Variants in PARN observed in about 807,000 individuals in gnomAD.
PARN encodes poly(A)-specific ribonuclease PARN.
PARN carries 71 observed loss-of-function variants against 102.8 expected under a neutral mutation model. That is an observed-to-expected ratio of 0.69 (90% CI 0.57 to 0.84). The LOEUF is 0.84. Ranked by LOEUF, PARN falls within the 40% of genes least tolerant of loss-of-function variation. The pLI, the probability that PARN is intolerant of heterozygous loss-of-function variation, is 0.00. For missense variants in PARN, 782 were observed against 760.9 expected (o/e 1.03, Z -0.33); for synonymous variants, 261 against 252.9 (o/e 1.03, Z -0.30).
At chr16:14,552,532 A>C (rs1344472391) in intron 20 of PARN, among the ~76,000 whole-genome samples, 1 of 152,142 alleles carries the variant, frequency 6.6e-6, no homozygotes, top group Non-Finnish European at 1.5e-5. Context: ...GCTGGAGTGC[A>C]GTGGCACAAT....
chr16:14,510,769 C>A (rs1287208219), intron 21 of PARN, among the ~76,000 whole-genome samples: 2 of 152,202 alleles, frequency 1.3e-5, no homozygotes, highest in Non-Finnish European at 1.5e-5. Context: ...CCACCCCCAT[C>A]TATGTGACAT....
intron 22 of PARN, among the ~76,000 whole-genome samples, chr16:14,464,535 C>G (rs948480019): frequency 6.6e-6 from 1 of 152,078 alleles, no homozygotes; most frequent in Non-Finnish European, 1.5e-5. Flanking sequence ...GCAGGCAGAT[C>G]ACCTGAGGTA....
At chr16:14,509,281 A>G (rs911310429) in intron 21 of PARN, among the ~76,000 whole-genome samples, 4 of 152,136 alleles carry the variant, frequency 2.6e-5, no homozygotes, top group African/African-American at 9.7e-5. Flanking sequence ...CTACCCACCC[A>G]TAGATAATCT....
chr16:14,580,425 T>C (rs1969456519), intron 18 of PARN, among the ~76,000 whole-genome samples: 1 of 152,094 alleles, frequency 6.6e-6, no homozygotes, highest in Admixed American at 6.6e-5. Context: ...GTAGCTGGGA[T>C]TACAGGCACA....
chr16:14,517,189 G>A (rs538393472), intron 21 of PARN, among the ~76,000 whole-genome samples: 2 of 152,320 alleles, frequency 1.3e-5, no homozygotes, highest in East Asian at 1.9e-4. Flanking sequence ...GCCATCAAGA[G>A]GTGCGGTGTA....
chr16:14,553,256 T>TAAAAAAAAAA (rs58411352), intron 20 of PARN, among the ~76,000 whole-genome samples: 2 of 117,444 alleles, frequency 1.7e-5, no homozygotes, highest in East Asian at 2.4e-4. Context: ...TATTTCTATT[T>TAAAAAAAAAA]AAAAAAAAAA....
intron 18 of PARN, among the ~76,000 whole-genome samples, chr16:14,576,969 C>T (rs1596723680): frequency 6.6e-6 from 1 of 152,314 alleles, no homozygotes; most frequent in East Asian, 1.9e-4. Context: ...CTTGATAAAG[C>T]TTCCCAAAAT....
intron 21 of PARN, among the ~76,000 whole-genome samples, chr16:14,521,323 C>T (rs1455186831): frequency 6.6e-6 from 1 of 152,176 alleles, no homozygotes; most frequent in Admixed American, 6.5e-5. Flanking sequence ...ACCAGGGTTG[C>T]CAAAAAGTTC....
chr16:14,503,366 A>T (rs1964722151), intron 21 of PARN, among the ~76,000 whole-genome samples: 1 of 152,250 alleles, frequency 6.6e-6, no homozygotes, highest in African/African-American at 2.4e-5. Context: ...GCTGACTCAT[A>T]TGAGAAAAGC....
At chr16:14,586,404 C>T (rs1242343094) in intron 13 of PARN, 43 bp from the exon 14 acceptor site, 2 of 1,181,064 alleles carry the variant, frequency 1.7e-6, no homozygotes, top group Non-Finnish European at 1.2e-6. Context: ...TCCTAATACA[C>T]TCGCAGTATT....
chr16:14,611,833 G>A (rs1260937043), intron 6 of PARN, among the ~76,000 whole-genome samples: 4 of 151,992 alleles, frequency 2.6e-5, no homozygotes, highest in African/African-American at 9.7e-5. Flanking sequence ...CGGCCACCGC[G>A]CACGGCCAGC....
In PARN at chr16:14,486,567, C is replaced by T. The variant is rs374215107; in HGVS notation, c.1481-3740G>A. 1.2e-4 allele frequency among the ~76,000 whole-genome samples: 19 copies of T among 152,280 alleles called. No individual in the cohort carries two copies. The East Asian group carries it at 1.4e-3, about 11-fold the overall frequency. ...GTTACAAACAACTCCCTAACCATGG[C>T]GAGGGGATTTATCTGAGCACATTTG... On this transcript the variant is annotated intron_variant, in intron 21 of 23. Coordinates refer to ENST00000437198, the MANE Select transcript of PARN (RefSeq NM_002582.4).
intron 21 of PARN, among the ~76,000 whole-genome samples, chr16:14,496,396 GT>G (rs1964320481): frequency 6.6e-6 from 1 of 152,104 alleles, no homozygotes; most frequent in African/African-American, 2.4e-5. Context: ...GCAGATGGGA[GT>G]TTGGCAAAAA....
Position 14,582,138 on chromosome 16 carries a change from C to A in PARN, c.1192+43G>T. ...AAGCCAGGAGACAGGTAAGATCCAC[C>A]CTAGATCACTGCGTGTTTGACTGAA... On this transcript the variant is annotated intron_variant, in intron 17 of 23. Coordinates refer to ENST00000437198, the MANE Select transcript of PARN (RefSeq NM_002582.4). 3 of 1,216,854 alleles carry A rather than the reference C, an allele frequency of 2.5e-6. No homozygotes were observed. The South Asian group carries it at 3.6e-5, about 15-fold the overall frequency. 75.4% of individuals were successfully genotyped at this position (1,216,854 alleles called of 1,614,324 possible).
chr16:14,529,969 T>C (rs1966233621), intron 21 of PARN, among the ~76,000 whole-genome samples: 2 of 146,634 alleles, frequency 1.4e-5, no homozygotes, highest in South Asian at 4.3e-4. Flanking sequence ...AAACGATTCC[T>C]TAATCTCAGC....
At chr16:14,539,084 C>T (rs1454976621) in intron 21 of PARN, among the ~76,000 whole-genome samples, 2 of 152,000 alleles carry the variant, frequency 1.3e-5, no homozygotes, top group Non-Finnish European at 2.9e-5. Flanking sequence ...TAATAATAAC[C>T]GAAATAAAAC....
chr16:14,587,168 AT>A (rs1169809390), intron 13 of PARN, among the ~76,000 whole-genome samples: 4 of 152,322 alleles, frequency 2.6e-5, no homozygotes, highest in Non-Finnish European at 5.9e-5. Flanking sequence ...TACAGACTGT[AT>A]TTAGCTAGCC....
rs143708857 is a variant in PARN, at chr16:14,566,938, G to A, written c.1263-11229C>T. Among the ~76,000 whole-genome samples the A allele has an allele frequency of 3.4e-3, 513 of 152,312 alleles. 4 individuals are homozygous for A. The highest frequency in any genetic ancestry group is 0.024 in the Middle Eastern group (7 of 294). ...GATCACAAGGCAGAAATTAAATAAG[G>A]CAGTATCAACTTGAGGCAAGCAGTC... On this transcript the variant is annotated intron_variant, in intron 18 of 23. Transcript: ENST00000437198.
At chr16:14,447,342 C>G (rs1182073970) in intron 22 of PARN, among the ~76,000 whole-genome samples, 3 of 152,136 alleles carry the variant, frequency 2.0e-5, no homozygotes, top group Non-Finnish European at 4.4e-5. Context: ...TCCGAGTGCT[C>G]AAGAACAAAT....
Sources: gnomAD v4.1 joint callset for allele counts (sites outside exome capture counted in the v4.1 genomes callset) on GRCh38, gnomAD v4.1.1 for gene constraint, MANE v1.5 for transcripts, NCBI Gene and HGNC (gene_info 2026-07-23, HGNC 2026-07-21) for gene names.